ZFAT: variants seen among roughly 807,000 people sequenced by gnomAD.
ZFAT encodes zinc finger protein ZFAT.
Under a neutral mutation model 117.7 loss-of-function variants are expected in ZFAT, and 64 were observed. That is an observed-to-expected ratio of 0.54 (90% CI 0.44 to 0.67). The LOEUF is 0.67. ZFAT is among the 30% of genes least tolerant of loss of function. The pLI is 0.00. For synonymous variants in ZFAT, 679 were observed against 615.0 expected, an observed-to-expected ratio of 1.10 and a Z score of -1.54; for missense variants, 1,433 against 1,584.5, an observed-to-expected ratio of 0.90 and a Z score of 1.62.
intron 9 of ZFAT, among the ~76,000 whole-genome samples, chr8:134,584,341 G>A (rs937041572): frequency 5.9e-5 from 9 of 152,114 alleles, no homozygotes; most frequent in African/African-American, 1.9e-4. Context: ...TAGCTGAAAC[G>A]TTCACTGCAC....
chr8:134,644,192 C>A (rs1412078398), intron 2 of ZFAT, among the ~76,000 whole-genome samples: 1 of 152,148 alleles, frequency 6.6e-6, no homozygotes, highest in Non-Finnish European at 1.5e-5. Context: ...CTCCTGCAGC[C>A]CCAGCACCTA....
At chr8:134,499,816 G>T (rs1818831457) in intron 15 of ZFAT, among the ~76,000 whole-genome samples, 1 of 152,226 alleles carries the variant, frequency 6.6e-6, no homozygotes, top group African/African-American at 2.4e-5. Context: ...GAGGCCCCTT[G>T]TGAAGCAGGA....
chr8:134,615,075 C>A (rs1055835473), intron 3 of ZFAT, among the ~76,000 whole-genome samples: 1 of 152,184 alleles, frequency 6.6e-6, no homozygotes, highest in Non-Finnish European at 1.5e-5. Flanking sequence ...CTGGACCACA[C>A]CAGCCTCAAA....
chr8:134,611,752 T>C (rs1299544980), intron 3 of ZFAT, among the ~76,000 whole-genome samples: 6 of 152,198 alleles, frequency 3.9e-5, no homozygotes, highest in Admixed American at 3.3e-4. Context: ...AGGGAAACAA[T>C]GCCTGGGGCC....
the ZFAT span, among the ~76,000 whole-genome samples, chr8:134,817,353 G>A: frequency 1.3e-5 from 2 of 150,846 alleles, no homozygotes; most frequent in African/African-American, 4.9e-5. Flanking sequence ...CCACAATCAC[G>A]AGCCAATTTC....
intron 3 of ZFAT, among the ~76,000 whole-genome samples, chr8:134,624,248 T>A (rs2131036095): frequency 6.6e-6 from 1 of 150,904 alleles, no homozygotes; most frequent in Middle Eastern, 3.4e-3. Flanking sequence ...TCCCACACCT[T>A]ACTAAGAAAA....
rs796196851 is a variant in ZFAT at position 134,556,058 on chromosome 8, AGGAAGGAAGGAAGGAAG to A, written c.2976+9258_2976+9274del. ...AAGGAAGGAAGGAAGGAAGGAAGGAAGGAAGGAAGGAAGGAAGGGAAGGAAGGGAGGGAAAAAGAAAA... is the reference window on the plus strand; with the variant it reads ...AAGGAAGGAAGGAAGGAAGGAAGGAAGGAAGGAAGGGAGGGAAAAAGAAAA... On this transcript the variant is annotated intron_variant, in intron 11 of 15. Coordinates refer to ENST00000377838, the MANE Select transcript of ZFAT (RefSeq NM_020863.4). Among the ~76,000 whole-genome samples, 334 of 102,864 alleles carry A rather than the reference AGGAAGGAAGGAAGGAAG, an allele frequency of 3.2e-3. 6 individuals are homozygous for A. The South Asian group carries it at 0.035, about 11-fold the overall frequency. The allele number at this position is 102,864 out of a possible 152,430, so 67.5% of individuals were successfully genotyped here. A position where few individuals can be genotyped will look rare whatever the true frequency, so the allele number is the denominator to read the frequency against.
intron 10 of ZFAT, among the ~76,000 whole-genome samples, chr8:134,578,304 G>A (rs551739378): frequency 5.4e-4 from 82 of 151,792 alleles, no homozygotes; most frequent in Non-Finnish European, 1.0e-3. Flanking sequence ...CCAGCTACTC[G>A]GGAGGCTGAG....
chr8:134,797,656 G>A, the ZFAT span: 11 of 151,864 alleles, frequency 7.2e-5, no homozygotes. Context: ...TTGAATCACA[G>A]GAATAATGTA....
the ZFAT span, among the ~76,000 whole-genome samples, chr8:134,732,313 T>A: frequency 6.6e-6 from 1 of 151,970 alleles, no homozygotes; most frequent in Non-Finnish European, 1.5e-5. Flanking sequence ...GCAAGCATAG[T>A]GGGATGAGGG....
chr8:134,593,940 G>A (rs1826719679), intron 7 of ZFAT, among the ~76,000 whole-genome samples: 1 of 152,260 alleles, frequency 6.6e-6, no homozygotes, highest in Non-Finnish European at 1.5e-5. Context: ...CCAACCATCA[G>A]TGAGGATGTC....
At chr8:134,670,300 T>G (rs1832491428) in intron 1 of ZFAT, among the ~76,000 whole-genome samples, 1 of 152,354 alleles carries the variant, frequency 6.6e-6, no homozygotes, top group African/African-American at 2.4e-5. Context: ...AGAATATACA[T>G]TCTTCTCAGC....
At chr8:134,523,553 A>G (rs1820813886) in intron 12 of ZFAT, among the ~76,000 whole-genome samples, 1 of 152,154 alleles carries the variant, frequency 6.6e-6, no homozygotes, top group Non-Finnish European at 1.5e-5. Context: ...CCCAGCACAC[A>G]ACATGGTCTT....
chr8:134,549,096 C>G (rs1006662878), intron 11 of ZFAT, among the ~76,000 whole-genome samples: 5 of 152,174 alleles, frequency 3.3e-5, no homozygotes, highest in African/African-American at 1.2e-4. Context: ...TGTGACTCTT[C>G]CAGAATGTTC....
At chr8:134,557,070 A>C (rs1015092826) in intron 11 of ZFAT, among the ~76,000 whole-genome samples, 11 of 152,194 alleles carry the variant, frequency 7.2e-5, no homozygotes, top group African/African-American at 2.7e-4. Context: ...TGACAACAAA[A>C]GCACAAAGTG....
intron 1 of ZFAT, among the ~76,000 whole-genome samples, chr8:134,670,859 C>G (rs7006299): frequency 5.0e-3 from 660 of 132,910 alleles, no homozygotes; most frequent in Middle Eastern, 8.5e-3. Flanking sequence ...CTACTAGCCA[C>G]ACTAATAAAG....
intron 10 of ZFAT, among the ~76,000 whole-genome samples, chr8:134,577,847 A>G (rs926241719): frequency 7.2e-5 from 11 of 152,230 alleles, no homozygotes; most frequent in African/African-American, 2.7e-4. Context: ...GAGACAAAAA[A>G]GTAGTAAATA....
At chr8:134,489,516 G>T (rs1179843603) in intron 15 of ZFAT, among the ~76,000 whole-genome samples, 2 of 152,000 alleles carry the variant, frequency 1.3e-5, no homozygotes, top group Non-Finnish European at 2.9e-5. Flanking sequence ...TTCTTCACTT[G>T]CCCCACAGCA....
At chr8:134,784,783 T>C in the ZFAT span, 1 of 152,174 alleles carries the variant, frequency 6.6e-6, no homozygotes, top group Non-Finnish European at 1.5e-5. Flanking sequence ...AGACTGGTAG[T>C]TCATAAACTG....
Sources: gnomAD v4.1 joint callset for allele counts (sites outside exome capture counted in the v4.1 genomes callset) on GRCh38, gnomAD v4.1.1 for gene constraint, MANE v1.5 for transcripts, NCBI Gene and HGNC (gene_info 2026-07-23, HGNC 2026-07-21) for gene names.